The following RRP1B variants were observed in gnomAD, a reference collection of about 807,000 sequenced individuals.
The protein encoded by RRP1B is ribosomal RNA processing 1B.
Under a neutral mutation model 80.2 loss-of-function variants are expected in RRP1B, and 56 were observed. The observed-to-expected ratio is 0.70, with a 90% CI of 0.56 to 0.87. The LOEUF is 0.87. Ranked by LOEUF, RRP1B falls within the 40% of genes least tolerant of loss-of-function variation. RRP1B has a pLI of 0.00. For missense variants in RRP1B, 807 were observed against 939.8 expected, an observed-to-expected ratio of 0.86 and a Z score of 1.85; for synonymous variants, 351 against 357.6, an observed-to-expected ratio of 0.98 and a Z score of 0.21.
At chr21:43,663,984 CT>C (rs1390530316) in intron 1 of RRP1B, among the ~76,000 whole-genome samples, 1 of 152,192 alleles carries the variant, frequency 6.6e-6, no homozygotes, top group South Asian at 2.1e-4. Context: ...AACCAAACTG[CT>C]TCAGATAATG....
intron 8 of RRP1B, among the ~76,000 whole-genome samples, chr21:43,678,382 C>T: frequency 6.6e-6 from 1 of 152,104 alleles, no homozygotes; most frequent in Non-Finnish European, 1.5e-5. Flanking sequence ...GTGGTCTCAA[C>T]CTCCTGACCT....
chr21:43,687,736 TG>T lies in RRP1B; in HGVS notation c.1366del (p.Glu456ArgfsTer66). ...EPGAEATSST[G>X]EESGSEHPPA... Reference sequence around the variant, plus strand: ...CAGGTGCAGAGGCCACGTCCAGCACTGGGGAGGAGAGTGGCTCCGAGCATCC... The same window carrying T: ...CAGGTGCAGAGGCCACGTCCAGCACTGGGAGGAGAGTGGCTCCGAGCATCC... On this transcript the variant is annotated frameshift_variant, in exon 13 of 16. Coordinates refer to ENST00000340648, the MANE Select transcript of RRP1B (RefSeq NM_015056.3). LOFTEE classifies it high-confidence loss of function. 6.2e-7 allele frequency: 1 copy of T among 1,613,090 alleles called. No homozygotes were observed.
intron 1 of RRP1B, among the ~76,000 whole-genome samples, chr21:43,662,142 A>ATACT (rs1402253644): frequency 2.0e-5 from 3 of 152,250 alleles, no homozygotes; most frequent in Non-Finnish European, 4.4e-5. Flanking sequence ...ACCAGAGGCA[A>ATACT]TACTTACGGT....
At chr21:43,672,651 A>G (rs1382153576) in intron 3 of RRP1B, among the ~76,000 whole-genome samples, 2 of 152,218 alleles carry the variant, frequency 1.3e-5, no homozygotes, top group African/African-American at 4.8e-5. Flanking sequence ...TGCAGGGTCC[A>G]CGGTGACCTC....
intron 13 of RRP1B, among the ~76,000 whole-genome samples, chr21:43,688,978 C>G (rs1033735562): frequency 6.6e-6 from 1 of 152,232 alleles, no homozygotes; most frequent in African/African-American, 2.4e-5. Flanking sequence ...TTTGTAGAGA[C>G]AGAGTTTTGC....
chr21:43,676,601 A>C (rs2083023581), intron 7 of RRP1B, 132 bp from the exon 8 acceptor site: 1 of 842,506 alleles, frequency 1.2e-6, no homozygotes, highest in South Asian at 1.8e-5. Flanking sequence ...AGTTCCTCTC[A>C]GATGCTTGCT....
Position 43,688,007 on chromosome 21 carries a change from T to C in RRP1B, c.1633T>C (p.Leu545=), listed in dbSNP as rs538961828. The C allele has an allele frequency of 1.2e-5, 20 of 1,612,404 alleles. No individual in the cohort carries two copies. In the South Asian group the frequency reaches 2.0e-4, roughly 16 times the overall value. The part of the protein sequence containing the change: ...SGLSTPAWPP[L]QQEGPPTGPA... The stretch of plus-strand genomic sequence containing the variant: ...CCTGTCCACGCCGGCCTGGCCTCCA[T>C]TGCAGCAGGAAGGCCCTCCCACAGG... The change falls in exon 13 of 16, where the codon TTG becomes CTG. Residue 545 remains leucine, a synonymous_variant. Transcript: ENST00000340648.
rs574069998 is a variant in RRP1B, at chr21:43,659,561, T to C, written c.-104T>C. The stretch of plus-strand genomic sequence containing the variant: ...CCCGCGCGCCGCCGCCGCCGCCTTC[T>C]GTGCAGTCGCGGCCCGGGCGGACGG... On this transcript the variant is annotated 5_prime_UTR_variant, in exon 1 of 16. Transcript: ENST00000340648. The surrounding 1 kb of genome is among the most constrained non-coding windows in gnomAD (Gnocchi z 4.2). The C allele has an allele frequency of 3.4e-5, 40 of 1,180,526 alleles. No individual in the cohort carries two copies. The East Asian group carries it at 1.4e-3, about 42-fold the overall frequency. 73.1% of individuals were successfully genotyped at this position (1,180,526 alleles called of 1,614,324 possible). A position where few individuals can be genotyped will look rare whatever the true frequency, so the allele number is the denominator to read the frequency against.
In RRP1B at chr21:43,691,381, T is replaced by G. The variant is rs970191424; in HGVS notation, c.2020-58T>G. 2 of 1,548,328 alleles carry G rather than the reference T, an allele frequency of 1.3e-6. No individual in the cohort carries two copies. The highest frequency in any genetic ancestry group is 3.4e-5 in the Admixed American group (2 of 59,444). The stretch of plus-strand genomic sequence containing the variant: ...GGCAGGTTCTCCAGAAAAATCTGAC[T>G]AAGCGCCTCCACTGCACTTGCGTCA... On this transcript the variant is annotated intron_variant, in intron 14 of 15. Coordinates refer to ENST00000340648, the MANE Select transcript of RRP1B (RefSeq NM_015056.3). This position sits in a 1 kb window ranked among gnomAD's most constrained non-coding sequence, Gnocchi z 4.2.
chr21:43,661,559 C>G (rs1213515051), intron 1 of RRP1B, among the ~76,000 whole-genome samples: 1 of 152,160 alleles, frequency 6.6e-6, no homozygotes, highest in South Asian at 2.1e-4. Context: ...AATTCTTGAC[C>G]GTGGGCTCTT....
At chr21:43,692,220 C>T (rs1040607951) in intron 15 of RRP1B, among the ~76,000 whole-genome samples, 1 of 152,196 alleles carries the variant, frequency 6.6e-6, no homozygotes, top group Non-Finnish European at 1.5e-5. Flanking sequence ...GCTTCTTGGG[C>T]GACAGAGAAG....
rs754378723 is a variant in RRP1B, at chr21:43,676,738, CCCT to C, written c.621_623del (p.Leu208del). The stretch of plus-strand genomic sequence containing the variant: ...CGCTGTGCTTCTACCCTCAGCCACA[CCCT>C]GGTACAGACCATAGCTCGGGGTGTC... On this transcript the variant is annotated inframe_deletion, in exon 8 of 16. Transcript: ENST00000340648. The C allele has an allele frequency of 6.2e-7, 1 of 1,613,866 alleles. No individual in the cohort carries two copies. The highest frequency in any genetic ancestry group is 2.2e-5 in the East Asian group (1 of 44,890).
At chr21:43,671,585 G>A (rs992139126) in intron 2 of RRP1B, among the ~76,000 whole-genome samples, 8 of 151,864 alleles carry the variant, frequency 5.3e-5, no homozygotes, top group Non-Finnish European at 7.4e-5. Flanking sequence ...CTAGGCTGGC[G>A]TTGAACTCCT....
chr21:43,686,185 C>T (rs1391074889), intron 11 of RRP1B: 1 of 166,578 alleles, frequency 6.0e-6, no homozygotes, highest in African/African-American at 2.4e-5. Context: ...TGATGCAAGC[C>T]TAGGGCTCCC....
chr21:43,660,119 G>A (rs955946456), intron 1 of RRP1B, among the ~76,000 whole-genome samples: 1 of 152,216 alleles, frequency 6.6e-6, no homozygotes, highest in Non-Finnish European at 1.5e-5. Context: ...GTCGGTGATT[G>A]CCGCCTTCCT....
chr21:43,692,083 C>T (rs777901383), intron 15 of RRP1B, among the ~76,000 whole-genome samples: 8 of 152,108 alleles, frequency 5.3e-5, no homozygotes, highest in African/African-American at 7.2e-5. Context: ...CCTGGTGAGA[C>T]GTGATCCAAA....
chr21:43,665,944 A>G (rs557539257), intron 1 of RRP1B, among the ~76,000 whole-genome samples: 1 of 152,274 alleles, frequency 6.6e-6, no homozygotes, highest in South Asian at 2.1e-4. Context: ...AGGAGCATTA[A>G]CCAGCTTAAA....
At position 43,690,292 on chromosome 21, in the gene RRP1B, G is replaced by T. The variant is rs754008716; in HGVS notation, c.1871G>T (p.Ser624Ile). ...TCTCACCCCTCGCTCACGTAGGGAA[G>T]CAGTGGGACTTGCAGTTCCCTGAAG... ...SEAGQPQALG[S>I]SGTCSSLKKQ... The change falls in exon 14 of 16, where the codon AGC (serine) becomes ATC (isoleucine). Residue 624 changes from serine to isoleucine, a missense_variant. By Grantham distance (142) the Ser-to-Ile change is moderately radical (BLOSUM62 -2). Transcript: ENST00000340648. The T allele has an allele frequency of 3.1e-6, 5 of 1,614,206 alleles. No homozygotes were observed. In the East Asian group the frequency reaches 1.1e-4, roughly 36 times the overall value.
Position 43,674,101 on chromosome 21 carries a change from C to A in RRP1B, c.357+146C>A, listed in dbSNP as rs567422526. The stretch of plus-strand genomic sequence containing the variant: ...AATTTGAATGTGTCCTGGAAAGCTT[C>A]TCTGTTTTGGCTTTTGCAGTTCTTA... On this transcript the variant is annotated intron_variant, in intron 4 of 15. Transcript: ENST00000340648. The A allele has an allele frequency of 9.7e-6, 6 of 616,222 alleles. No individual in the cohort carries two copies. The African/African-American group carries it at 1.1e-4, about 11-fold the overall frequency. 38.2% of individuals were successfully genotyped at this position (616,222 alleles called of 1,614,324 possible).
Sources: allele counts gnomAD v4.1 joint callset (sites outside exome capture counted in the v4.1 genomes callset), GRCh38; gene constraint gnomAD v4.1.1; non-coding constraint Gnocchi (gnomAD v3.1); transcripts MANE v1.5; gene names NCBI Gene and HGNC (gene_info 2026-07-23, HGNC 2026-07-21).